The following TMPPE variants were observed in gnomAD, a reference collection of about 807,000 sequenced individuals.
TMPPE encodes transmembrane protein with metallophosphoesterase domain.
In TMPPE, 16 loss-of-function variants were observed where a neutral mutation model predicts 22.6. That is an observed-to-expected ratio of 0.71 (90% CI 0.48 to 1.08). The LOEUF (loss-of-function observed/expected upper bound fraction) is 1.08. Ranked by LOEUF, TMPPE falls within the 50% of genes least tolerant of loss-of-function variation. The pLI is 0.00. For synonymous variants in TMPPE, 240 were observed against 245.3 expected, an observed-to-expected ratio of 0.98 and a Z score of 0.20; for missense variants, 526 against 584.3, an observed-to-expected ratio of 0.90 and a Z score of 1.03.
chr3:33,091,007 G>C lies in TMPPE; in HGVS notation c.*1827C>G. 2.0e-6 allele frequency: 2 copies of C among 985,378 alleles called. No homozygotes were observed. Among genetic ancestry groups the C allele is most frequent in the Non-Finnish European group, 2.4e-6 (2 of 829,934 alleles). The allele number at this position is 985,378 out of a possible 1,614,324, so 61.0% of individuals were successfully genotyped here. A position where few individuals can be genotyped will look rare whatever the true frequency, so the allele number is the denominator to read the frequency against. Reference sequence around the variant, plus strand: ...AGAAAGATGTAAAATCAAGAAACCAGTGAAATAACACGTAACAGGTGAGTC... The same window carrying C: ...AGAAAGATGTAAAATCAAGAAACCACTGAAATAACACGTAACAGGTGAGTC... On this transcript the variant is annotated 3_prime_UTR_variant, in exon 2 of 2. Coordinates refer to ENST00000342462, the MANE Select transcript of TMPPE (RefSeq NM_001039770.3).
At position 33,093,894 on chromosome 3, in the gene TMPPE, A is replaced by C; in HGVS notation, c.302T>G (p.Phe101Cys). The change falls in exon 2 of 2, where the codon TTT becomes TGT. Residue 101 changes from phenylalanine to cysteine, a missense_variant. Coordinates refer to ENST00000342462, the MANE Select transcript of TMPPE (RefSeq NM_001039770.3). This position sits in a 1 kb window ranked among gnomAD's most constrained non-coding sequence, Gnocchi z 6.0. The part of the protein sequence containing the change: ...AFLALAHSSF[F>C]TMFFLVAEEP... Reference sequence around the variant, plus strand: ...TTCGGCCACTAAAAAGAACATGGTAAAGAAACTGGAATGGGCCAGGGCCAG... The same window carrying C: ...TTCGGCCACTAAAAAGAACATGGTACAGAAACTGGAATGGGCCAGGGCCAG... 1 of 1,613,968 alleles carries C rather than the reference A, an allele frequency of 6.2e-7. No individual in the cohort carries two copies. The highest frequency in any genetic ancestry group is 8.5e-7 in the Non-Finnish European group (1 of 1,179,956).
rs1700828076 is a variant in TMPPE at position 33,092,900 on chromosome 3, G to GT, written c.1295dup (p.Tyr432Ter). Residue 432 changes from tyrosine to a stop codon, truncating the protein, a stop_gained and frameshift_variant, in exon 2 of 2, where the codon TAC becomes TAAC. Transcript: ENST00000342462. LOFTEE classifies it high-confidence loss of function. ...FVYVSPGTAY[Y>*]GIPMRLGSRA... ...TGCTACCCAGCCTCATGGGTATCCC[G>GT]TAGTAGGCTGTGCCTGGGCTGACAT... 1.9e-6 allele frequency: 3 copies of GT among 1,614,104 alleles called. No homozygotes were observed. In the East Asian group the frequency reaches 6.7e-5, roughly 36 times the overall value.
Position 33,092,488 on chromosome 3 carries a change from G to A in TMPPE, c.*346C>T. 9.4e-7 allele frequency: 1 copy of A among 1,065,078 alleles called. No homozygotes were observed. The highest frequency in any genetic ancestry group is 4.1e-5 in the South Asian group (1 of 24,688). 66.0% of individuals were successfully genotyped at this position (1,065,078 alleles called of 1,614,324 possible). A position where few individuals can be genotyped will look rare whatever the true frequency, so the allele number is the denominator to read the frequency against. ...GCTCCTCCCCGCCCCACCTTCTAGA[G>A]GTATGCCTTTCTAGCAACCCCGAGG... On this transcript the variant is annotated 3_prime_UTR_variant, in exon 2 of 2. Coordinates refer to ENST00000342462, the MANE Select transcript of TMPPE (RefSeq NM_001039770.3).
Position 33,093,444 on chromosome 3 carries a change from T to C in TMPPE, c.752A>G (p.Glu251Gly). ...GACAGCCGTCCGCAGGACCGAGGCT[T>C]CTGAGTCGGAGAGGTCACCCACAAT... ...TVIVGDLSDS[E>G]ASVLRTAVAP... is the part of the protein sequence containing the mutation. The change falls in exon 2 of 2, where the codon GAA becomes GGA. Residue 251 changes from glutamate (E) to glycine (G), a missense_variant. By Grantham distance (98) the Glu-to-Gly change is moderately conservative (BLOSUM62 -2). Transcript: ENST00000342462. The surrounding 1 kb of genome is among the most constrained non-coding windows in gnomAD (Gnocchi z 6.0). 6.2e-7 allele frequency: 1 copy of C among 1,614,014 alleles called. No individual in the cohort carries two copies. Among genetic ancestry groups the C allele is most frequent in the Non-Finnish European group, 8.5e-7 (1 of 1,180,010 alleles).
In TMPPE at chr3:33,093,605, G is replaced by A. The variant is rs61733492; in HGVS notation, c.591C>T (p.Ile197=). ...PPAVKTVEVP[I]HQLPASMNNL... is the part of the protein sequence containing the mutation. ...TGTTCATTGAGGCAGGCAGCTGATGGATGGGCACCTCCACAGTTTTCACAG... is the reference window on the plus strand; with the variant it reads ...TGTTCATTGAGGCAGGCAGCTGATGAATGGGCACCTCCACAGTTTTCACAG... Residue 197 remains isoleucine (I), a synonymous_variant, in exon 2 of 2, where the codon ATC becomes ATT. Transcript: ENST00000342462. The surrounding 1 kb of genome is among the most constrained non-coding windows in gnomAD (Gnocchi z 6.0). The A allele has an allele frequency of 2.4e-5, 38 of 1,614,156 alleles. No homozygotes were observed. In the African/African-American group the frequency reaches 3.7e-4, roughly 16 times the overall value.
chr3:33,091,756 G>C lies in TMPPE; in HGVS notation c.*1078C>G, dbSNP rs1412935228. 1 of 985,426 alleles carries C rather than the reference G, an allele frequency of 1.0e-6. No individual in the cohort carries two copies. Among genetic ancestry groups the C allele is most frequent in the Non-Finnish European group, 1.2e-6 (1 of 829,956 alleles). The allele number at this position is 985,426 out of a possible 1,614,324, so 61.0% of individuals were successfully genotyped here. A position where few individuals can be genotyped will look rare whatever the true frequency, so the allele number is the denominator to read the frequency against. On this transcript the variant is annotated 3_prime_UTR_variant, in exon 2 of 2. Coordinates refer to ENST00000342462, the MANE Select transcript of TMPPE (RefSeq NM_001039770.3). The stretch of plus-strand genomic sequence containing the variant: ...GTTAGCCTCTCCAGTCAGAGCGAGT[G>C]TCTTCACTCCCCATTGGAGGAAGAC...
rs1186494658 is a variant in TMPPE at position 33,091,159 on chromosome 3, G to T, written c.*1675C>A. 5 of 985,328 alleles carry T rather than the reference G, an allele frequency of 5.1e-6. No homozygotes were observed. In the East Asian group the frequency reaches 3.4e-4, roughly 67 times the overall value. The allele number at this position is 985,328 out of a possible 1,614,324, so 61.0% of individuals were successfully genotyped here. A position where few individuals can be genotyped will look rare whatever the true frequency, so the allele number is the denominator to read the frequency against. ...AAAATGCGGTCGGGACACAAGAAAA[G>T]TGAGTTTGGAAGGACAGTGAAGAGA... On this transcript the variant is annotated 3_prime_UTR_variant, in exon 2 of 2. Coordinates refer to ENST00000342462, the MANE Select transcript of TMPPE (RefSeq NM_001039770.3).
Position 33,094,203 on chromosome 3 carries a change from G to T in TMPPE, c.-8C>A. ...CTGCCTGAAGATGGCCATTTTCTCTGCTCCTAGTAGGCTCCCCCACCAGTT... is the reference window on the plus strand; with the variant it reads ...CTGCCTGAAGATGGCCATTTTCTCTTCTCCTAGTAGGCTCCCCCACCAGTT... On this transcript the variant is annotated 5_prime_UTR_variant, in exon 2 of 2. Transcript: ENST00000342462. 3.8e-6 allele frequency: 6 copies of T among 1,586,664 alleles called. No homozygotes were observed. Among genetic ancestry groups the T allele is most frequent in the Non-Finnish European group, 5.2e-6 (6 of 1,163,722 alleles).
In TMPPE at chr3:33,092,870, G is replaced by A. The variant is rs770812335; in HGVS notation, c.1326C>T (p.Ala442=). The A allele has an allele frequency of 2.5e-6, 4 of 1,611,920 alleles. No individual in the cohort carries two copies. The highest frequency in any genetic ancestry group is 1.7e-6 in the Non-Finnish European group (2 of 1,178,796). The change falls in exon 2 of 2, where the codon GCC becomes GCT. Residue 442 remains alanine, a synonymous_variant. Transcript: ENST00000342462. The stretch of plus-strand genomic sequence containing the variant: ...GCTGCAGGATGAGCTCTGTGATCTC[G>A]GCCCTGCTACCCAGCCTCATGGGTA... ...YGIPMRLGSR[A]EITELILQRS...
At position 33,093,267 on chromosome 3, in the gene TMPPE, G is replaced by A; in HGVS notation, c.929C>T (p.Thr310Ile). ...GCCACCACCACCACGTTGGGCCCGT[G>A]TGGCGGAAATCTTCACGTTCTCATT... ...LHNENVKISA[T>I]RAQRGGGGSG... The change falls in exon 2 of 2, where the codon ACA becomes ATA. Residue 310 changes from threonine to isoleucine, a missense_variant. Physicochemically the swap from Thr to Ile is moderately conservative, Grantham distance 89 (BLOSUM62 -1). Transcript: ENST00000342462. This position sits in a 1 kb window ranked among gnomAD's most constrained non-coding sequence, Gnocchi z 6.0. The A allele has an allele frequency of 6.2e-7, 1 of 1,614,134 alleles. No homozygotes were observed. The highest frequency in any genetic ancestry group is 8.5e-7 in the Non-Finnish European group (1 of 1,180,016).
chr3:33,091,290 G>A lies in TMPPE; in HGVS notation c.*1544C>T, dbSNP rs979382760. Reference sequence around the variant, plus strand: ...GTGGCTGCCTGGGAACAAAAAGGGTGGTCTCCAGATCCCCCAGAACCCCAC... The same window carrying A: ...GTGGCTGCCTGGGAACAAAAAGGGTAGTCTCCAGATCCCCCAGAACCCCAC... On this transcript the variant is annotated 3_prime_UTR_variant, in exon 2 of 2. Transcript: ENST00000342462. The A allele has an allele frequency of 8.9e-5, 88 of 985,370 alleles. No homozygotes were observed. Among genetic ancestry groups the A allele is most frequent in the Non-Finnish European group, 1.0e-4 (85 of 830,008 alleles). The allele number at this position is 985,370 out of a possible 1,614,324, so 61.0% of individuals were successfully genotyped here.
chr3:33,094,060 A>C lies in TMPPE; in HGVS notation c.136T>G (p.Leu46Val). The change falls in exon 2 of 2, where the codon TTG becomes GTG. Residue 46 changes from leucine to valine, a missense_variant. By Grantham distance (32) the Leu-to-Val change is conservative. Transcript: ENST00000342462. ...GAGTTGACAAACAGGGCAAGCTGCAAGCGAAGCAGCCAACGCCAGGCCCTG... is the reference window on the plus strand; with the variant it reads ...GAGTTGACAAACAGGGCAAGCTGCACGCGAAGCAGCCAACGCCAGGCCCTG... ...ELRAWRWLLR[L>V]QLALFVNSLL... 13 of 1,614,242 alleles carry C rather than the reference A, an allele frequency of 8.1e-6. No individual in the cohort carries two copies. Among genetic ancestry groups the C allele is most frequent in the Non-Finnish European group, 1.1e-5 (13 of 1,180,044 alleles).
In TMPPE at chr3:33,092,375, C is replaced by A. The variant is rs1700800508; in HGVS notation, c.*459G>T. On this transcript the variant is annotated 3_prime_UTR_variant, in exon 2 of 2. Transcript: ENST00000342462. ...TCCCAAATTACCTGGCAACACTACC[C>A]CTTCCCCAGAAAGGCTCTGGATCAA... The A allele has an allele frequency of 3.0e-6, 3 of 988,964 alleles. No individual in the cohort carries two copies. The African/African-American group carries it at 5.2e-5, about 17-fold the overall frequency. The allele number at this position is 988,964 out of a possible 1,614,324, so 61.3% of individuals were successfully genotyped here.
intron 1 of TMPPE, among the ~76,000 whole-genome samples, chr3:33,094,529 C>T (rs1364810640): frequency 6.6e-6 from 1 of 152,242 alleles, no homozygotes. Flanking sequence ...TAAAGTTTCT[C>T]TACAGTAAGC....
rs1422804611 is a variant in TMPPE, at chr3:33,093,821, G to A, written c.375C>T (p.Tyr125=). 5 of 1,613,590 alleles carry A rather than the reference G, an allele frequency of 3.1e-6. No individual in the cohort carries two copies. Among genetic ancestry groups the A allele is most frequent in the African/African-American group, 1.3e-5 (1 of 75,048 alleles). Residue 125 remains tyrosine (Y), a synonymous_variant, in exon 2 of 2, where the codon TAC becomes TAT. Transcript: ENST00000342462. The surrounding 1 kb of genome is among the most constrained non-coding windows in gnomAD (Gnocchi z 6.0). ...TGAAGAGGAAGAAGAGCATGATGAT[G>A]TAAGCACCCAGGCAGGAGTAGGCCG... ...SLAAYSCLGA[Y]IIMLFFLFIL...
chr3:33,090,572 T>C lies in TMPPE; in HGVS notation c.*2262A>G. The C allele has an allele frequency of 1.0e-6, 1 of 985,396 alleles. No homozygotes were observed. Among genetic ancestry groups the C allele is most frequent in the Non-Finnish European group, 1.2e-6 (1 of 829,922 alleles). The allele number at this position is 985,396 out of a possible 1,614,324, so 61.0% of individuals were successfully genotyped here. ...GAAACAAATGAAATTGAAAGAATGA[T>C]CAAGCTTCAAGTAACGTTTCTCACC... On this transcript the variant is annotated 3_prime_UTR_variant, in exon 2 of 2. Transcript: ENST00000342462.
Position 33,091,301 on chromosome 3 carries a change from C to G in TMPPE, c.*1533G>C. ...GGAACAAAAAGGGTGGTCTCCAGAT[C>G]CCCCAGAACCCCACTATACACCAGG... On this transcript the variant is annotated 3_prime_UTR_variant, in exon 2 of 2. Transcript: ENST00000342462. The G allele has an allele frequency of 3.0e-6, 3 of 985,286 alleles. No individual in the cohort carries two copies. The highest frequency in any genetic ancestry group is 3.6e-6 in the Non-Finnish European group (3 of 829,984). The allele number at this position is 985,286 out of a possible 1,614,324, so 61.0% of individuals were successfully genotyped here. A position where few individuals can be genotyped will look rare whatever the true frequency, so the allele number is the denominator to read the frequency against.
chr3:33,094,320 G>C lies in TMPPE; in HGVS notation c.-108-17C>G, dbSNP rs1700911900. 5 of 1,472,970 alleles carry C rather than the reference G, an allele frequency of 3.4e-6. No individual in the cohort carries two copies. Among genetic ancestry groups the C allele is most frequent in the Middle Eastern group, 2.1e-4 (1 of 4,852 alleles). 91.2% of individuals were successfully genotyped at this position (1,472,970 alleles called of 1,614,324 possible). On this transcript the variant is annotated splice_polypyrimidine_tract_variant and intron_variant, in intron 1 of 1. Transcript: ENST00000342462. Reference sequence around the variant, plus strand: ...CAACTCCGCCTGCAACCAGGAACCAGCATCAGCTTTGTGGGATATTAGAGT... The same window carrying C: ...CAACTCCGCCTGCAACCAGGAACCACCATCAGCTTTGTGGGATATTAGAGT...
At position 33,094,306 on chromosome 3, in the gene TMPPE, G is replaced by A. The variant is rs1700910907; in HGVS notation, c.-108-3C>T. ...AGAGGTTTCCAGGTCAACTCCGCCT[G>A]CAACCAGGAACCAGCATCAGCTTTG... On this transcript the variant is annotated splice_polypyrimidine_tract_variant and splice_region_variant and intron_variant, in intron 1 of 1. Coordinates refer to ENST00000342462, the MANE Select transcript of TMPPE (RefSeq NM_001039770.3). The A allele has an allele frequency of 1.3e-6, 2 of 1,489,620 alleles. No homozygotes were observed. The highest frequency in any genetic ancestry group is 2.6e-5 in the Admixed American group (1 of 39,036). 92.3% of individuals were successfully genotyped at this position (1,489,620 alleles called of 1,614,324 possible).
Sources: allele counts gnomAD v4.1 joint callset (sites outside exome capture counted in the v4.1 genomes callset), GRCh38; gene constraint gnomAD v4.1.1; non-coding constraint Gnocchi (gnomAD v3.1); transcripts MANE v1.5; gene names NCBI Gene and HGNC (gene_info 2026-07-23, HGNC 2026-07-21).